DENND4A: variants seen among roughly 807,000 people sequenced by gnomAD.
DENND4A encodes DENN domain containing 4A.
In DENND4A, 70 loss-of-function variants were observed where a neutral mutation model predicts 199.3. That is an observed-to-expected ratio of 0.35 (90% CI 0.29 to 0.43). The LOEUF (loss-of-function observed/expected upper bound fraction) is 0.43, where lower values mean the gene tolerates loss of function less well. Ranked by LOEUF, DENND4A falls within the 20% of genes least tolerant of loss-of-function variation. DENND4A has a pLI of 1.00. For missense variants in DENND4A, 1,723 were observed against 2,255.8 expected (o/e 0.76, Z 4.78); for synonymous variants, 686 against 766.9 (o/e 0.89, Z 1.74).
rs773622170 is a variant in DENND4A at position 65,690,529 on chromosome 15, T to A, written c.4065A>T (p.Leu1355=). ...TTAGAACATCTAGTTTAGGTACTAGTAGTGTATCTAAGTTAAATGAAGGTG... is the reference window on the plus strand; with the variant it reads ...TTAGAACATCTAGTTTAGGTACTAGAAGTGTATCTAAGTTAAATGAAGGTG... ...HSSPSFNLDT[L]LVPKLDVLRN... The change falls in exon 23 of 33, where the codon CTA becomes CTT. Residue 1355 remains leucine (L), a synonymous_variant. Transcript: ENST00000443035. 6.2e-7 allele frequency: 1 copy of A among 1,613,544 alleles called. No individual in the cohort carries two copies.
intron 1 of DENND4A, chr15:65,771,396 T>G (rs1283021936): frequency 1.4e-5 from 22 of 1,583,722 alleles, no homozygotes; most frequent in Non-Finnish European, 1.9e-5. Flanking sequence ...TTATATTCAT[T>G]TTTAAAGTCC....
chr15:65,735,766 T>C lies in DENND4A; in HGVS notation c.1040+1941A>G, dbSNP rs568073152. ...CTGAGTTGTGAGTGAACTTGCTGGT[T>C]TTCTCCCACAGAGTGCAATTTTTGT... On this transcript the variant is annotated intron_variant, in intron 7 of 32. Coordinates refer to ENST00000443035, the MANE Select transcript of DENND4A (RefSeq NM_001320835.1). Among the ~76,000 whole-genome samples, 5 of 152,184 alleles carry C rather than the reference T, an allele frequency of 3.3e-5. No homozygotes were observed. In the East Asian group the frequency reaches 9.7e-4, roughly 30 times the overall value.
At chr15:65,750,208 C>A (rs1196544929) in intron 4 of DENND4A, among the ~76,000 whole-genome samples, 1 of 152,106 alleles carries the variant, frequency 6.6e-6, no homozygotes, top group Non-Finnish European at 1.5e-5. Context: ...TGGAGGTCAT[C>A]ATCCTAAGCA....
intron 22 of DENND4A, among the ~76,000 whole-genome samples, chr15:65,694,767 CAA>C (rs1194257921): frequency 1.3e-5 from 2 of 152,244 alleles, no homozygotes; most frequent in East Asian, 3.9e-4. Context: ...CCAAAAGCAT[CAA>C]GGATAAACCA....
At position 65,729,649 on chromosome 15, in the gene DENND4A, T is replaced by C. The variant is rs1163332058; in HGVS notation, c.1196A>G (p.Asn399Ser). The change falls in exon 10 of 33, where the codon AAT (asparagine) becomes AGT (serine). Residue 399 changes from asparagine to serine, a missense_variant. Transcript: ENST00000443035. ...SGGKFSTLLQ[N>S]LGPENAVTLL... ...TGTCACAGCATTTTCAGGGCCTAAA[T>C]TCTGCAGTAGTGTTGAAAACTTGCC... is the stretch of plus-strand genomic sequence containing the variant. 1.3e-6 allele frequency: 2 copies of C among 1,557,932 alleles called. No individual in the cohort carries two copies. Among genetic ancestry groups the C allele is most frequent in the African/African-American group, 2.7e-5 (2 of 73,420 alleles).
At chr15:65,680,513 T>C (rs1486580959) in intron 23 of DENND4A, 2 of 152,224 alleles carry the variant, frequency 1.3e-5, no homozygotes, top group African/African-American at 2.4e-5. Context: ...GACGAATAGT[T>C]GAATTTTTCT....
intron 4 of DENND4A, among the ~76,000 whole-genome samples, chr15:65,744,624 T>G (rs944786686): frequency 2.6e-5 from 4 of 152,172 alleles, no homozygotes; most frequent in Non-Finnish European, 4.4e-5. Context: ...TTTGGTGTAT[T>G]ATATATTTTC....
At chr15:65,776,455 A>G (rs1302145421) in intron 1 of DENND4A, among the ~76,000 whole-genome samples, 1 of 152,234 alleles carries the variant, frequency 6.6e-6, no homozygotes, top group Non-Finnish European at 1.5e-5. Context: ...GTTTCCTACT[A>G]TATATAAAGC....
chr15:65,680,861 CCTT>C (rs1171041765), intron 23 of DENND4A: 4 of 152,152 alleles, frequency 2.6e-5, no homozygotes, highest in Non-Finnish European at 5.9e-5. Flanking sequence ...TTTTAAAATA[CCTT>C]ATTACTAAAA....
At chr15:65,791,850 A>G (rs2141050131) in intron 1 of DENND4A, among the ~76,000 whole-genome samples, 160 bp downstream of exon 1, 1 of 152,188 alleles carries the variant, frequency 6.6e-6, no homozygotes, top group African/African-American at 2.4e-5. Flanking sequence ...CGAGCCGCGG[A>G]GCACCTCCCG....
chr15:65,700,868 A>G (rs1243784957), intron 19 of DENND4A, among the ~76,000 whole-genome samples, 183 bp downstream of exon 19: 1 of 152,270 alleles, frequency 6.6e-6, no homozygotes, highest in African/African-American at 2.4e-5. Context: ...GGTCGTCAGA[A>G]GTTGAAACAT....
At chr15:65,742,825 TAG>T (rs1165104658) in intron 4 of DENND4A, among the ~76,000 whole-genome samples, 1 of 152,144 alleles carries the variant, frequency 6.6e-6, no homozygotes, top group Non-Finnish European at 1.5e-5. Flanking sequence ...TCAATGAGGG[TAG>T]GGATTTTGTT....
chr15:65,768,041 C>CAG (rs2077029718), intron 1 of DENND4A, among the ~76,000 whole-genome samples: 1 of 152,196 alleles, frequency 6.6e-6, no homozygotes, highest in Non-Finnish European at 1.5e-5. Context: ...CCACTGGTTT[C>CAG]AGCAAACCTC....
chr15:65,688,093 CTT>C (rs1469835130), intron 23 of DENND4A, among the ~76,000 whole-genome samples: 1 of 151,938 alleles, frequency 6.6e-6, no homozygotes, highest in African/African-American at 2.4e-5. Flanking sequence ...TTATAAAAAT[CTT>C]TTCTCTCTTC....
At chr15:65,760,549 G>A (rs1392324828) in intron 2 of DENND4A, among the ~76,000 whole-genome samples, 1 of 151,770 alleles carries the variant, frequency 6.6e-6, no homozygotes, top group Non-Finnish European at 1.5e-5. Context: ...AACTAAAGCA[G>A]ATAGTCACTA....
chr15:65,712,269 G>C (rs1413960598), intron 14 of DENND4A, among the ~76,000 whole-genome samples: 1 of 152,116 alleles, frequency 6.6e-6, no homozygotes, highest in African/African-American at 2.4e-5. Flanking sequence ...ATGTGTTCCT[G>C]TTCATATGTA....
chr15:65,719,162 A>T (rs552441852), intron 12 of DENND4A: 1 of 152,052 alleles, frequency 6.6e-6, no homozygotes, highest in South Asian at 2.1e-4. Flanking sequence ...TATATAATAC[A>T]TATATATGTC....
intron 1 of DENND4A, among the ~76,000 whole-genome samples, chr15:65,762,071 G>A (rs550672310): frequency 6.6e-6 from 1 of 152,200 alleles, no homozygotes; most frequent in African/African-American, 2.4e-5. Context: ...GCAGTGGCTC[G>A]ATCTCGGCTC....
intron 15 of DENND4A, among the ~76,000 whole-genome samples, chr15:65,705,067 G>T (rs773987817): frequency 1.3e-5 from 2 of 152,118 alleles, no homozygotes; most frequent in African/African-American, 2.4e-5. Context: ...GAGGAAGAGA[G>T]AAATTAAGAG....
Sources: allele counts gnomAD v4.1 joint callset (sites outside exome capture counted in the v4.1 genomes callset), GRCh38; gene constraint gnomAD v4.1.1; transcripts MANE v1.5; gene names NCBI Gene and HGNC (gene_info 2026-07-23, HGNC 2026-07-21).